The following C11orf58 variants were observed in gnomAD, a reference collection of about 807,000 sequenced individuals.
C11orf58 encodes chromosome 11 open reading frame 58.
A neutral mutation model predicts 22.7 loss-of-function variants in C11orf58; 5 were observed. The observed-to-expected ratio is 0.22, with a 90% CI of 0.12 to 0.46. The LOEUF (loss-of-function observed/expected upper bound fraction) is 0.46. Among genes scored for constraint, C11orf58 ranks in the 20% least tolerant of loss-of-function variants. The pLI is 0.99. For synonymous variants in C11orf58, 71 were observed against 70.7 expected, an observed-to-expected ratio of 1.00 and a Z score of -0.02; for missense variants, 151 against 223.3, an observed-to-expected ratio of 0.68 and a Z score of 2.06.
At chr11:16,752,741 T>A in intron 3 of C11orf58, 44 bp from the exon 4 acceptor site, 1 of 1,380,892 alleles carries the variant, frequency 7.2e-7, no homozygotes, top group Non-Finnish European at 1.0e-6. Context: ...TTGTGTAAAT[T>A]ATTAATTTGA....
At position 16,744,581 on chromosome 11, in the gene C11orf58, TCAAC is replaced by T. The variant is rs751985679; in HGVS notation, c.64-16_64-13del. The T allele has an allele frequency of 4.3e-5, 69 of 1,608,844 alleles. No homozygotes were observed. Among genetic ancestry groups the T allele is most frequent in the South Asian group, 1.9e-4 (17 of 90,330 alleles). On this transcript the variant is annotated splice_polypyrimidine_tract_variant and intron_variant, in intron 1 of 4. Coordinates refer to ENST00000228136, the MANE Select transcript of C11orf58 (RefSeq NM_014267.6). ...TTATTTTTATGCAAAAAAAATTTAA[TCAAC>T]CAATTTTTTTTCTAGCTGGGATCTA...
chr11:16,744,535 A>T, intron 1 of C11orf58, 66 bp from the exon 2 acceptor site: 2 of 1,286,580 alleles, frequency 1.6e-6, no homozygotes, highest in South Asian at 1.2e-5. Context: ...AGTTACAGGT[A>T]GACTTTAGAT....
chr11:16,739,253 G>A (rs1320691412), intron 1 of C11orf58, among the ~76,000 whole-genome samples: 1 of 152,078 alleles, frequency 6.6e-6, no homozygotes, highest in Non-Finnish European at 1.5e-5. Flanking sequence ...GTGCACGTTT[G>A]TACAGATTTT....
At position 16,752,682 on chromosome 11, in the gene C11orf58, C is replaced by A; in HGVS notation, c.209-103C>A. The A allele has an allele frequency of 7.5e-6, 5 of 670,144 alleles. No homozygotes were observed. In the South Asian group the frequency reaches 1.5e-4, roughly 20 times the overall value. The allele number at this position is 670,144 out of a possible 1,614,324, so 41.5% of individuals were successfully genotyped here. ...TCAAAAGTCATAGTAAAATTAGTCACAATTAGATAAATCAGCCCTGAGTAT... is the reference window on the plus strand; with the variant it reads ...TCAAAAGTCATAGTAAAATTAGTCAAAATTAGATAAATCAGCCCTGAGTAT... On this transcript the variant is annotated intron_variant, in intron 3 of 4. Transcript: ENST00000228136.
chr11:16,741,012 C>T (rs1214995688), intron 1 of C11orf58, among the ~76,000 whole-genome samples: 2 of 150,488 alleles, frequency 1.3e-5, no homozygotes, highest in African/African-American at 2.4e-5. Context: ...AGGAGAATGG[C>T]GTGAACCCGG....
rs760957184 is a variant in C11orf58, at chr11:16,754,896, A to G, written c.344A>G (p.Asp115Gly). 1 of 1,614,006 alleles carries G rather than the reference A, an allele frequency of 6.2e-7. No homozygotes were observed. Among genetic ancestry groups the G allele is most frequent in the Non-Finnish European group, 8.5e-7 (1 of 1,179,978 alleles). The part of the protein sequence containing the change: ...SEVEDHDGEG[D>G]VAGDDDDDDD... ...GTAGAAGACCATGATGGAGAAGGTG[A>G]TGTGGCTGGAGATGATGATGATGAC... The change falls in exon 5 of 5, where the codon GAT becomes GGT. Residue 115 changes from aspartate to glycine, a missense_variant. Transcript: ENST00000228136.
intron 1 of C11orf58, 168 bp from the exon 2 acceptor site, chr11:16,744,433 G>A: frequency 1.7e-6 from 1 of 590,622 alleles, no homozygotes; most frequent in Non-Finnish European, 3.0e-6. Context: ...TAGAAAAGGA[G>A]TAAATTTGAA....
At position 16,748,082 on chromosome 11, in the gene C11orf58, T is replaced by G; in HGVS notation, c.148-15T>G. The G allele has an allele frequency of 6.2e-7, 1 of 1,604,270 alleles. No homozygotes were observed. The highest frequency in any genetic ancestry group is 8.5e-7 in the Non-Finnish European group (1 of 1,171,398). ...AGTGGTCTCAAATGCTAATACATTT[T>G]CAACCTTCTTATAGAAAGAACATAC... On this transcript the variant is annotated splice_polypyrimidine_tract_variant and intron_variant, in intron 2 of 4. Coordinates refer to ENST00000228136, the MANE Select transcript of C11orf58 (RefSeq NM_014267.6).
At chr11:16,743,574 C>T (rs989831734) in intron 1 of C11orf58, among the ~76,000 whole-genome samples, 1 of 152,082 alleles carries the variant, frequency 6.6e-6, no homozygotes, top group Non-Finnish European at 1.5e-5. Context: ...TGATTAATGC[C>T]TTCTGTCAGT....
At chr11:16,742,355 A>G (rs1357048735) in intron 1 of C11orf58, among the ~76,000 whole-genome samples, 2 of 152,216 alleles carry the variant, frequency 1.3e-5, no homozygotes, top group Admixed American at 6.5e-5. Flanking sequence ...ACAGTCTTTT[A>G]AAAAGGCATC....
intron 1 of C11orf58, among the ~76,000 whole-genome samples, chr11:16,740,260 A>G (rs1371066090): frequency 6.6e-6 from 1 of 152,232 alleles, no homozygotes; most frequent in Non-Finnish European, 1.5e-5. Flanking sequence ...GCGTGACAGA[A>G]AACTCCAGGT....
intron 2 of C11orf58, 54 bp from the exon 3 acceptor site, chr11:16,748,043 A>C: frequency 7.3e-7 from 1 of 1,369,386 alleles, no homozygotes; most frequent in Non-Finnish European, 1.0e-6. Context: ...GTAGATACCC[A>C]ATAAGGTTAA....
chr11:16,757,653 A>G lies in C11orf58; in HGVS notation c.*2549A>G, dbSNP rs1249534218. Among the ~76,000 whole-genome samples, 1 of 152,248 alleles carries G rather than the reference A, an allele frequency of 6.6e-6. No individual in the cohort carries two copies. The highest frequency in any genetic ancestry group is 1.5e-5 in the Non-Finnish European group (1 of 68,048). ...AAAATAGATTATTTTTGTGCTGTGA[A>G]ACACTATTCAGTGGAAAGTTTAGTG... On this transcript the variant is annotated 3_prime_UTR_variant, in exon 5 of 5. Transcript: ENST00000228136.
rs1179314254 is a variant in C11orf58 at position 16,738,881 on chromosome 11, C to T, written c.63+40C>T. 6 of 1,611,644 alleles carry T rather than the reference C, an allele frequency of 3.7e-6. No homozygotes were observed. The Middle Eastern group carries it at 4.9e-4, about 133-fold the overall frequency. On this transcript the variant is annotated intron_variant, in intron 1 of 4. Coordinates refer to ENST00000228136, the MANE Select transcript of C11orf58 (RefSeq NM_014267.6). ...CGGAGTGGCTGAGGGTTGAGGCCTACTAAAGCCTGGAGTAGGCCGGGAAGG... is the reference window on the plus strand; with the variant it reads ...CGGAGTGGCTGAGGGTTGAGGCCTATTAAAGCCTGGAGTAGGCCGGGAAGG...
chr11:16,746,377 T>A (rs1848487416), intron 2 of C11orf58, among the ~76,000 whole-genome samples: 1 of 152,228 alleles, frequency 6.6e-6, no homozygotes, highest in South Asian at 2.1e-4. Context: ...ACATCCCTTG[T>A]GGTTCTTGGA....
chr11:16,745,814 G>C (rs1252006334), intron 2 of C11orf58, among the ~76,000 whole-genome samples: 1 of 152,168 alleles, frequency 6.6e-6, no homozygotes, highest in Non-Finnish European at 1.5e-5. Flanking sequence ...TCCTAACATT[G>C]TCCTAACAGA....
At chr11:16,753,791 T>C (rs994567481) in intron 4 of C11orf58, 14 of 402,444 alleles carry the variant, frequency 3.5e-5, no homozygotes, top group Middle Eastern at 6.1e-4. Context: ...GGCTGGAGTA[T>C]AGTGGCACAG....
chr11:16,738,703 G>A lies in C11orf58; in HGVS notation c.-76G>A, dbSNP rs1848416426. 1 of 1,523,122 alleles carries A rather than the reference G, an allele frequency of 6.6e-7. No homozygotes were observed. The highest frequency in any genetic ancestry group is 1.4e-5 in the African/African-American group (1 of 73,030). The allele number at this position is 1,523,122 out of a possible 1,614,324, so 94.4% of individuals were successfully genotyped here. On this transcript the variant is annotated 5_prime_UTR_variant, in exon 1 of 5. Transcript: ENST00000228136. ...AGTGGCGCTGCTTGGGCCCTTGGCGGATTGTAAGCTGCTGGTTTTGCGGCT... is the reference window on the plus strand; with the variant it reads ...AGTGGCGCTGCTTGGGCCCTTGGCGAATTGTAAGCTGCTGGTTTTGCGGCT...
intron 3 of C11orf58, chr11:16,752,459 T>C (rs1848540986): frequency 6.0e-6 from 1 of 167,246 alleles, no homozygotes; most frequent in African/African-American, 2.4e-5. Flanking sequence ...TTTTTCACTG[T>C]TTTTGTTCAA....
Sources: gnomAD v4.1 joint callset for allele counts (sites outside exome capture counted in the v4.1 genomes callset) on GRCh38, gnomAD v4.1.1 for gene constraint, MANE v1.5 for transcripts, NCBI Gene and HGNC (gene_info 2026-07-23, HGNC 2026-07-21) for gene names.